Variants in ASZ1 observed in about 807,000 individuals in gnomAD.
ASZ1 encodes ankyrin repeat, SAM and basic leucine zipper domain-containing protein 1.
In ASZ1, 67 loss-of-function variants were observed where a neutral mutation model predicts 61.8. That is an observed-to-expected ratio of 1.08 (90% CI 0.89 to 1.33). ASZ1 has a LOEUF of 1.33. ASZ1 is among the 40% of genes most tolerant of loss of function. The pLI, the probability that ASZ1 is intolerant of heterozygous loss-of-function variation, is 0.00. For synonymous variants in ASZ1, 193 were observed against 192.7 expected (o/e 1.00, Z -0.01); for missense variants, 577 against 554.5 (o/e 1.04, Z -0.41).
intron 4 of ASZ1, among the ~76,000 whole-genome samples, chr7:117,404,954 T>C (rs1442512743): frequency 6.6e-6 from 1 of 152,124 alleles, no homozygotes; most frequent in African/African-American, 2.4e-5. Context: ...ATTGACTCTC[T>C]CCCCTTCTGT....
At chr7:117,409,371 A>G (rs1250016013) in intron 4 of ASZ1, among the ~76,000 whole-genome samples, 1 of 151,974 alleles carries the variant, frequency 6.6e-6, no homozygotes, top group Non-Finnish European at 1.5e-5. Context: ...AAAGTTAAAC[A>G]TATTAGCAAA....
chr7:117,373,874 A>G (rs1157798395), intron 10 of ASZ1, among the ~76,000 whole-genome samples: 2 of 152,292 alleles, frequency 1.3e-5, no homozygotes, highest in African/African-American at 4.8e-5. Context: ...TCAGTCATTT[A>G]GAACTTAGAA....
chr7:117,363,590 T>A lies in ASZ1; in HGVS notation c.*6A>T. 1 of 1,587,996 alleles carries A rather than the reference T, an allele frequency of 6.3e-7. No individual in the cohort carries two copies. The highest frequency in any genetic ancestry group is 8.6e-7 in the Non-Finnish European group (1 of 1,169,244). On this transcript the variant is annotated 3_prime_UTR_variant, in exon 13 of 13. Transcript: ENST00000284629. Reference sequence around the variant, plus strand: ...GTGTATATATAACTTAAAACAAATATTTGGATTATTTCCTCTGGAAAGTTA... The same window carrying A: ...GTGTATATATAACTTAAAACAAATAATTGGATTATTTCCTCTGGAAAGTTA...
chr7:117,367,821 C>G lies in ASZ1; in HGVS notation c.1162-356G>C, dbSNP rs145288720. 1,485 of 989,738 alleles carry G rather than the reference C, an allele frequency of 1.5e-3. 3 individuals carry two copies. Among genetic ancestry groups the G allele is most frequent in the Non-Finnish European group, 1.7e-3 (1,422 of 832,860 alleles). 61.3% of individuals were successfully genotyped at this position (989,738 alleles called of 1,614,324 possible). A position where few individuals can be genotyped will look rare whatever the true frequency, so the allele number is the denominator to read the frequency against. ...AAACAAGTGCATTAAAAAATTTTCA[C>G]TAAGACAAACAGCTAAAACCTAATC... On this transcript the variant is annotated intron_variant, in intron 11 of 12. Coordinates refer to ENST00000284629, the MANE Select transcript of ASZ1 (RefSeq NM_130768.3).
intron 4 of ASZ1, among the ~76,000 whole-genome samples, chr7:117,405,318 C>T (rs1796761187): frequency 2.6e-5 from 4 of 152,228 alleles, no homozygotes; most frequent in Admixed American, 2.6e-4. Context: ...AGGTCTCCAA[C>T]ATTTTAGTCT....
At chr7:117,410,414 C>T (rs1796867597) in intron 4 of ASZ1, among the ~76,000 whole-genome samples, 2 of 151,486 alleles carry the variant, frequency 1.3e-5, no homozygotes, top group South Asian at 2.1e-4. Context: ...TTCTTAATAG[C>T]GTAACTCAAA....
At chr7:117,395,516 T>C (rs1425881777) in intron 4 of ASZ1, among the ~76,000 whole-genome samples, 1 of 152,126 alleles carries the variant, frequency 6.6e-6, no homozygotes, top group Admixed American at 6.5e-5. Flanking sequence ...CCAGCCAACA[T>C]GACGTGTATA....
intron 11 of ASZ1, chr7:117,367,944 C>T: frequency 1.1e-6 from 1 of 881,500 alleles, no homozygotes; most frequent in Non-Finnish European, 1.4e-6. Context: ...TGCAGTGGTG[C>T]AATCATGGCT....
chr7:117,413,263 T>C (rs1286528664), intron 4 of ASZ1, among the ~76,000 whole-genome samples: 1 of 151,964 alleles, frequency 6.6e-6, no homozygotes, highest in African/African-American at 2.4e-5. Flanking sequence ...CTGTTGTAAA[T>C]ACCCTTATCA....
At chr7:117,427,200 T>C (rs778672607) in intron 1 of ASZ1, among the ~76,000 whole-genome samples, 156 bp downstream of exon 1, 2 of 152,106 alleles carry the variant, frequency 1.3e-5, no homozygotes, top group Non-Finnish European at 2.9e-5. Context: ...ACGAGGAAAT[T>C]TGTGCGGGTT....
Position 117,420,171 on chromosome 7 carries a change from A to G in ASZ1, c.432T>C (p.Val144=). Residue 144 remains valine (V), a synonymous_variant, in exon 4 of 13, where the codon GTT becomes GTC. Coordinates refer to ENST00000284629, the MANE Select transcript of ASZ1 (RefSeq NM_130768.3). The part of the protein sequence containing the change: ...LLLSRNADPN[V]ACRRLMTPIM... ...GATATAAAGGCTCTTACCTACAAGC[A>G]ACATTTGGATCAGCATTTCTTGAAA... 6.2e-7 allele frequency: 1 copy of G among 1,609,392 alleles called. No individual in the cohort carries two copies. The highest frequency in any genetic ancestry group is 8.5e-7 in the Non-Finnish European group (1 of 1,178,250).
chr7:117,376,932 C>G (rs1471525677), intron 10 of ASZ1, among the ~76,000 whole-genome samples: 1 of 151,886 alleles, frequency 6.6e-6, no homozygotes, highest in Non-Finnish European at 1.5e-5. Flanking sequence ...AAAGTCTTAC[C>G]CACTGCCATG....
chr7:117,389,776 T>TTGAAGGCATGA lies in ASZ1; in HGVS notation c.441-3978_441-3968dup, dbSNP rs1235881894. ...TAGCCCAAAAAGTTGGAATGGTCTT[T>TTGAAGGCATGA]TGAAGGCATGAGCCTGGCCATTCTC... On this transcript the variant is annotated intron_variant, in intron 4 of 12. Coordinates refer to ENST00000284629, the MANE Select transcript of ASZ1 (RefSeq NM_130768.3). Among the ~76,000 whole-genome samples, 18 of 152,334 alleles carry TTGAAGGCATGA rather than the reference T, an allele frequency of 1.2e-4. 1 individual carries two copies. The East Asian group carries it at 3.5e-3, about 29-fold the overall frequency.
chr7:117,427,066 T>G (rs1797234794), intron 1 of ASZ1, 131 bp from the exon 2 acceptor site: 4 of 1,048,792 alleles, frequency 3.8e-6, no homozygotes, highest in Non-Finnish European at 5.4e-6. Flanking sequence ...ATACAAAGTT[T>G]GAAAAGAATT....
intron 4 of ASZ1, among the ~76,000 whole-genome samples, chr7:117,400,083 T>C (rs926626433): frequency 2.0e-5 from 3 of 152,222 alleles, no homozygotes; most frequent in African/African-American, 7.2e-5. Context: ...AATGATGTAT[T>C]TGTCACGTCT....
At chr7:117,373,133 C>A (rs1035712633) in intron 10 of ASZ1, among the ~76,000 whole-genome samples, 1 of 152,092 alleles carries the variant, frequency 6.6e-6, no homozygotes, top group East Asian at 1.9e-4. Flanking sequence ...TTAGCTCAGA[C>A]AAAGAGTCTA....
intron 4 of ASZ1, among the ~76,000 whole-genome samples, chr7:117,398,344 T>C (rs966258614): frequency 1.2e-4 from 19 of 152,198 alleles, no homozygotes; most frequent in Admixed American, 2.6e-4. Context: ...AGCTCCACTT[T>C]AGAGATGTGT....
At chr7:117,385,267 C>CT (rs1192639927) in intron 5 of ASZ1, among the ~76,000 whole-genome samples, 6 of 149,800 alleles carry the variant, frequency 4.0e-5, no homozygotes, top group East Asian at 3.9e-4. Context: ...CTTTTCTTTT[C>CT]TTTTTTTTTG....
Sources: gnomAD v4.1 joint callset for allele counts (sites outside exome capture counted in the v4.1 genomes callset) on GRCh38, gnomAD v4.1.1 for gene constraint, MANE v1.5 for transcripts, NCBI Gene and HGNC (gene_info 2026-07-23, HGNC 2026-07-21) for gene names.